The following ADAMTS17 variants were observed in gnomAD, a reference collection of about 807,000 sequenced individuals.
ADAMTS17 encodes ADAM metallopeptidase with thrombospondin type 1 motif 17.
ADAMTS17 carries 113 observed loss-of-function variants against 141.5 expected under a neutral mutation model. That is an observed-to-expected ratio of 0.80 (90% CI 0.69 to 0.93). The LOEUF (loss-of-function observed/expected upper bound fraction) is 0.93. Ranked by LOEUF, ADAMTS17 falls within the 40% of genes least tolerant of loss-of-function variation. The pLI, the probability that ADAMTS17 is intolerant of heterozygous loss-of-function variation, is 0.00. For synonymous variants in ADAMTS17, 768 were observed against 630.6 expected (o/e 1.22, Z -3.27); for missense variants, 1,659 against 1,517.9 (o/e 1.09, Z -1.54).
chr15:100,323,953 A>G (rs2045815274), intron 3 of ADAMTS17, among the ~76,000 whole-genome samples: 2 of 152,062 alleles, frequency 1.3e-5, no homozygotes, highest in Admixed American at 6.5e-5. Flanking sequence ...CTTCCGGGGA[A>G]TAAGCCAGAG....
intron 8 of ADAMTS17, among the ~76,000 whole-genome samples, chr15:100,173,761 C>A (rs561306510): frequency 1.2e-4 from 18 of 152,286 alleles, no homozygotes; most frequent in African/African-American, 4.3e-4. Context: ...AAACTTTTAA[C>A]ACACCAATAT....
chr15:100,009,350 C>T (rs185683953), intron 18 of ADAMTS17, among the ~76,000 whole-genome samples: 108 of 152,202 alleles, frequency 7.1e-4, no homozygotes, highest in African/African-American at 2.5e-3. Flanking sequence ...AATCCTACTT[C>T]CAGCACGGGT....
At chr15:100,058,127 C>T (rs1425397681) in intron 15 of ADAMTS17, among the ~76,000 whole-genome samples, 1 of 151,654 alleles carries the variant, frequency 6.6e-6, no homozygotes, top group Admixed American at 6.6e-5. Context: ...AGGGCCTCTG[C>T]CCATATCCCA....
chr15:100,207,145 T>G (rs764996952), intron 7 of ADAMTS17, among the ~76,000 whole-genome samples: 1 of 152,168 alleles, frequency 6.6e-6, no homozygotes, highest in African/African-American at 2.4e-5. Context: ...GGTGGGGCCC[T>G]GATCCAACAG....
At chr15:100,337,120 C>G (rs1415211678) in intron 2 of ADAMTS17, among the ~76,000 whole-genome samples, 3 of 152,214 alleles carry the variant, frequency 2.0e-5, no homozygotes, top group Non-Finnish European at 4.4e-5. Flanking sequence ...CTGGTCCACC[C>G]ACCTCGGCCT....
intron 14 of ADAMTS17, 112 bp from the exon 15 acceptor site, chr15:100,096,588 G>T: frequency 7.1e-7 from 1 of 1,411,278 alleles, no homozygotes; most frequent in Non-Finnish European, 9.9e-7. Flanking sequence ...GGGGCCTGGG[G>T]CCCTGATCCA....
rs571676322 is a variant in ADAMTS17 at position 100,057,216 on chromosome 15, A to G, written c.2138-3162T>C. Among the ~76,000 whole-genome samples the G allele has an allele frequency of 2.0e-5, 3 of 152,260 alleles. No individual in the cohort carries two copies. In the East Asian group the frequency reaches 5.8e-4, roughly 29 times the overall value. On this transcript the variant is annotated intron_variant, in intron 15 of 21. Coordinates refer to ENST00000268070, the MANE Select transcript of ADAMTS17 (RefSeq NM_139057.4). ...CCACTTTTCAGAGGTTTGGCTGGGA[A>G]AAGGAGGCAAGAGAGGGAGAGTGGC...
chr15:100,006,241 G>T (rs1025354153), intron 18 of ADAMTS17, among the ~76,000 whole-genome samples: 1 of 152,122 alleles, frequency 6.6e-6, no homozygotes, highest in Non-Finnish European at 1.5e-5. Context: ...AACTCCTCTT[G>T]GCCACACAGG....
At chr15:100,199,942 C>T (rs899657919) in intron 7 of ADAMTS17, among the ~76,000 whole-genome samples, 25 of 152,224 alleles carry the variant, frequency 1.6e-4, no homozygotes, top group Admixed American at 7.2e-4. Context: ...GCATCCCGGG[C>T]GTGAGCCGGG....
intron 7 of ADAMTS17, among the ~76,000 whole-genome samples, chr15:100,206,104 G>T (rs952678164): frequency 2.0e-5 from 3 of 152,228 alleles, no homozygotes; most frequent in Admixed American, 1.3e-4. Flanking sequence ...TCCCTGTGTG[G>T]GGAGCAACGG....
intron 12 of ADAMTS17, chr15:100,128,713 AT>A (rs1436832778): frequency 6.6e-6 from 1 of 152,250 alleles, no homozygotes; most frequent in Non-Finnish European, 1.5e-5. Flanking sequence ...GAATCCCAAT[AT>A]AAGAAACCCC....
chr15:100,073,366 A>T (rs1316411316), intron 15 of ADAMTS17, among the ~76,000 whole-genome samples: 3 of 152,192 alleles, frequency 2.0e-5, no homozygotes, highest in Non-Finnish European at 4.4e-5. Flanking sequence ...GATTCCTCAG[A>T]GATCTTGAAC....
At chr15:100,071,323 G>A (rs1176680181) in intron 15 of ADAMTS17, among the ~76,000 whole-genome samples, 1 of 149,910 alleles carries the variant, frequency 6.7e-6, no homozygotes, top group African/African-American at 2.5e-5. Context: ...ACAAGGAGGA[G>A]CTGGTACCAT....
At chr15:100,051,463 G>A in intron 17 of ADAMTS17, 109 bp downstream of exon 17, 1 of 1,481,566 alleles carries the variant, frequency 6.7e-7, no homozygotes, top group Non-Finnish European at 9.4e-7. Flanking sequence ...AAATTCCCAT[G>A]GAGCTACAGG....
chr15:100,214,970 C>A (rs1406833156), intron 7 of ADAMTS17, among the ~76,000 whole-genome samples: 4 of 152,366 alleles, frequency 2.6e-5, no homozygotes, highest in East Asian at 3.9e-4. Flanking sequence ...CCATTCTGCT[C>A]TATTGTCCCA....
At chr15:100,302,561 G>A (rs183451738) in intron 3 of ADAMTS17, among the ~76,000 whole-genome samples, 24 of 152,246 alleles carry the variant, frequency 1.6e-4, no homozygotes, top group Admixed American at 1.2e-3. Flanking sequence ...GCCAACATTT[G>A]CTATCTTTTT....
At chr15:100,327,661 G>A (rs1343262417) in intron 3 of ADAMTS17, among the ~76,000 whole-genome samples, 5 of 152,190 alleles carry the variant, frequency 3.3e-5, no homozygotes, top group Admixed American at 6.5e-5. Context: ...AGATTAGAAC[G>A]TTTGAAGTCA....
intron 7 of ADAMTS17, among the ~76,000 whole-genome samples, chr15:100,223,542 A>G (rs2042200307): frequency 6.6e-6 from 1 of 152,076 alleles, no homozygotes; most frequent in African/African-American, 2.4e-5. Context: ...CAGGGCAAAG[A>G]AGGCAGGGAC....
In ADAMTS17 at chr15:100,095,402, C is replaced by G. The variant is rs567305311; in HGVS notation, c.2137+954G>C. Reference sequence around the variant, plus strand: ...TCTTCCAGACCAGGTTTCCTATCCACACAGAGAAAAGTGGAGAGGAGAGCA... The same window carrying G: ...TCTTCCAGACCAGGTTTCCTATCCAGACAGAGAAAAGTGGAGAGGAGAGCA... On this transcript the variant is annotated intron_variant, in intron 15 of 21. Transcript: ENST00000268070. Among the ~76,000 whole-genome samples the G allele has an allele frequency of 9.9e-5, 15 of 152,280 alleles. No homozygotes were observed. The East Asian group carries it at 2.9e-3, about 29-fold the overall frequency.
Sources: allele counts gnomAD v4.1 joint callset (sites outside exome capture counted in the v4.1 genomes callset), GRCh38; gene constraint gnomAD v4.1.1; transcripts MANE v1.5; gene names NCBI Gene and HGNC (gene_info 2026-07-23, HGNC 2026-07-21).